Variants in MCEE observed in about 807,000 individuals in gnomAD.
The protein encoded by MCEE is methylmalonyl-CoA epimerase, also known as methylmalonyl-CoA epimerase, mitochondrial.
In MCEE, 6 loss-of-function variants were observed where a neutral mutation model predicts 12.9. That is an observed-to-expected ratio of 0.47 (90% CI 0.26 to 0.92). The LOEUF (loss-of-function observed/expected upper bound fraction) is 0.92, where lower values mean the gene tolerates loss of function less well. Among genes scored for constraint, MCEE ranks in the 40% least tolerant of loss-of-function variants. MCEE has a pLI of 0.16. For missense variants in MCEE, 214 were observed against 212.1 expected, an observed-to-expected ratio of 1.01 and a Z score of -0.05; for synonymous variants, 78 against 77.9, an observed-to-expected ratio of 1.00 and a Z score of -0.01.
rs1009886582 is a variant in MCEE at position 71,114,144 on chromosome 2, G to A, written c.379-4022C>T. ...TTTGAGAAACTGCCACATGCAAGAGGAGCCTCAGCAGATACGATGACTAAA... is the reference window on the plus strand; with the variant it reads ...TTTGAGAAACTGCCACATGCAAGAGAAGCCTCAGCAGATACGATGACTAAA... On this transcript the variant is annotated intron_variant, in intron 2 of 2. Coordinates refer to ENST00000244217, the MANE Select transcript of MCEE (RefSeq NM_032601.4). Among the ~76,000 whole-genome samples the A allele has an allele frequency of 2.0e-5, 3 of 152,126 alleles. No individual in the cohort carries two copies. The East Asian group carries it at 5.8e-4, about 29-fold the overall frequency.
At chr2:71,113,901 C>G (rs1354203135) in intron 2 of MCEE, among the ~76,000 whole-genome samples, 1 of 152,062 alleles carries the variant, frequency 6.6e-6, no homozygotes, top group Non-Finnish European at 1.5e-5. Flanking sequence ...AGTATGAATC[C>G]TTGATATGAT....
At chr2:71,110,425 G>A (rs962123180) in intron 2 of MCEE, among the ~76,000 whole-genome samples, 4 of 152,258 alleles carry the variant, frequency 2.6e-5, no homozygotes, top group African/African-American at 9.6e-5. Flanking sequence ...AGTACTATTA[G>A]TGAGATTGAA....
At chr2:71,122,559 T>A (rs1490734886) in intron 2 of MCEE, among the ~76,000 whole-genome samples, 2 of 152,134 alleles carry the variant, frequency 1.3e-5, no homozygotes, top group Admixed American at 6.5e-5. Flanking sequence ...GCAAGTCACA[T>A]CTTACATGGA....
In MCEE at chr2:71,125,205, A is replaced by ATTT. The variant is rs1342992417; in HGVS notation, c.41-663_41-662insAAA. Among the ~76,000 whole-genome samples the ATTT allele has an allele frequency of 9.3e-3, 395 of 42,548 alleles. 3 individuals are homozygous for ATTT. The highest frequency in any genetic ancestry group is 0.029 in the African/African-American group (374 of 12,694). The allele number at this position is 42,548 out of a possible 152,430, so 27.9% of individuals were successfully genotyped here. A position where few individuals can be genotyped will look rare whatever the true frequency, so the allele number is the denominator to read the frequency against. On this transcript the variant is annotated intron_variant, in intron 1 of 2. Transcript: ENST00000244217. ...TATATATAAATATATATATATATAT[A>ATTT]TATATATTTTTTTTTTTTTTTGAGA...
At position 71,130,200 on chromosome 2, in the gene MCEE, GCCTTCAGCA is replaced by G; in HGVS notation, c.11_19del (p.Val4_Lys6del). ...TTCACCTACGGCATTCGCGGCTGCA[GCCTTCAGCA>G]CCCGCGCCATTTTGGAAAGCAACCC... On this transcript the variant is annotated inframe_deletion, in exon 1 of 3. Transcript: ENST00000244217. The G allele has an allele frequency of 6.2e-7, 1 of 1,608,218 alleles. No individual in the cohort carries two copies. Among genetic ancestry groups the G allele is most frequent in the Non-Finnish European group, 8.5e-7 (1 of 1,178,280 alleles).
chr2:71,124,667 T>C, intron 1 of MCEE, 124 bp from the exon 2 acceptor site: 2 of 778,162 alleles, frequency 2.6e-6, no homozygotes, highest in South Asian at 3.1e-5. Flanking sequence ...TTCTTTTTAA[T>C]TATTGAAATG....
intron 2 of MCEE, among the ~76,000 whole-genome samples, chr2:71,122,830 C>G (rs1673125461): frequency 6.6e-6 from 1 of 152,208 alleles, no homozygotes; most frequent in Non-Finnish European, 1.5e-5. Flanking sequence ...TATGCCTTTC[C>G]ACATGCAATT....
chr2:71,110,256 T>A, intron 2 of MCEE, 134 bp from the exon 3 acceptor site: 1 of 754,644 alleles, frequency 1.3e-6, no homozygotes. Flanking sequence ...CATTCTTAAA[T>A]CATCATAAAA....
rs573465862 is a variant in MCEE, at chr2:71,113,211, C to T, written c.379-3089G>A. Among the ~76,000 whole-genome samples, 7 of 152,198 alleles carry T rather than the reference C, an allele frequency of 4.6e-5. No homozygotes were observed. In the South Asian group the frequency reaches 6.2e-4, roughly 14 times the overall value. ...TGTGGTAATGGATTAGAGCTGGAGA[C>T]GTCAGTATGCTCTGAGGAGTTTATG... On this transcript the variant is annotated intron_variant, in intron 2 of 2. Transcript: ENST00000244217.
rs1312897489 is a variant in MCEE, at chr2:71,124,459, A to G, written c.125T>C (p.Val42Ala). 5 of 1,614,026 alleles carry G rather than the reference A, an allele frequency of 3.1e-6. No homozygotes were observed. The South Asian group carries it at 5.5e-5, about 18-fold the overall frequency. Residue 42 changes from valine to alanine, a missense_variant, in exon 2 of 3, where the codon GTG becomes GCG. By Grantham distance (64) the Val-to-Ala change is moderately conservative. Transcript: ENST00000244217. ...SQPLDQVTGS[V>A]WNLGRLNHVA... is the part of the protein sequence containing the mutation. Reference sequence around the variant, plus strand: ...ATGGTTGAGTCGACCCAGGTTCCACACAGAACCTGTCACTTGATCCAAGGG... The same window carrying G: ...ATGGTTGAGTCGACCCAGGTTCCACGCAGAACCTGTCACTTGATCCAAGGG...
chr2:71,115,758 T>A (rs1419622189), intron 2 of MCEE, among the ~76,000 whole-genome samples: 1 of 138,132 alleles, frequency 7.2e-6, no homozygotes, highest in Non-Finnish European at 1.5e-5. Context: ...TAAGTGGGAG[T>A]TGAAGAATGA....
chr2:71,125,211 A>ATATATATT, intron 1 of MCEE, among the ~76,000 whole-genome samples: 5 of 48,594 alleles, frequency 1.0e-4, no homozygotes, highest in South Asian at 8.9e-4. Flanking sequence ...ATATATATAT[A>ATATATATT]TTTTTTTTTT....
intron 2 of MCEE, chr2:71,118,393 G>A (rs1411607393): frequency 6.6e-6 from 1 of 150,754 alleles, no homozygotes; most frequent in Non-Finnish European, 1.5e-5. Flanking sequence ...CCCTCAGGTG[G>A]ACGCTCTTCT....
At position 71,124,427 on chromosome 2, in the gene MCEE, T is replaced by C. The variant is rs1211742251; in HGVS notation, c.157A>G (p.Ile53Val). Residue 53 changes from isoleucine to valine, a missense_variant, in exon 2 of 3, where the codon ATA becomes GTA. Physicochemically the swap from Ile to Val is conservative, Grantham distance 29. Transcript: ENST00000244217. Reference protein sequence around the residue: ...WNLGRLNHVAIAVPDLEKAAA... With the variant: ...WNLGRLNHVAVAVPDLEKAAA... ...GCCTTTTCCAAATCTGGCACTGCTA[T>C]GGCTACATGGTTGAGTCGACCCAGG... The C allele has an allele frequency of 1.9e-6, 3 of 1,614,184 alleles. No homozygotes were observed. Among genetic ancestry groups the C allele is most frequent in the Middle Eastern group, 1.6e-4 (1 of 6,062 alleles).
intron 2 of MCEE, among the ~76,000 whole-genome samples, chr2:71,115,568 T>C (rs1572887054): frequency 6.6e-6 from 1 of 150,566 alleles, no homozygotes; most frequent in South Asian, 2.1e-4. Context: ...ATAAAAAGAA[T>C]AAAATTAAAA....
rs1672850024 is a variant in MCEE at position 71,109,883 on chromosome 2, C to T, written c.*87G>A. 1 of 1,274,336 alleles carries T rather than the reference C, an allele frequency of 7.8e-7. No individual in the cohort carries two copies. Among genetic ancestry groups the T allele is most frequent in the South Asian group, 1.2e-5 (1 of 82,220 alleles). 78.9% of individuals were successfully genotyped at this position (1,274,336 alleles called of 1,614,324 possible). ...ACTGTGAACTTTTACATGATGGAAG[C>T]AGTGAAGGACTCAATGTCATAGTAC... On this transcript the variant is annotated 3_prime_UTR_variant, in exon 3 of 3. Transcript: ENST00000244217.
chr2:71,121,758 A>C (rs6708370), intron 2 of MCEE, among the ~76,000 whole-genome samples: 49,000 of 151,810 alleles, frequency 0.32, 9,939 homozygotes, highest in East Asian at 0.66. Context: ...TTAGACAAAC[A>C]CTCAGGTCCA....
intron 2 of MCEE, among the ~76,000 whole-genome samples, chr2:71,119,100 T>C (rs1179215718): frequency 6.7e-6 from 1 of 150,128 alleles, no homozygotes; most frequent in Non-Finnish European, 1.5e-5. Flanking sequence ...TGGGGAGGAG[T>C]CATAGGTACT....
chr2:71,119,116 C>G (rs1673050651), intron 2 of MCEE, among the ~76,000 whole-genome samples: 1 of 150,376 alleles, frequency 6.6e-6, no homozygotes, highest in Non-Finnish European at 1.5e-5. Context: ...GTACTCAATA[C>G]TGTTTATTTC....
Sources: allele counts gnomAD v4.1 joint callset (sites outside exome capture counted in the v4.1 genomes callset), GRCh38; gene constraint gnomAD v4.1.1; transcripts MANE v1.5; gene names NCBI Gene and HGNC (gene_info 2026-07-23, HGNC 2026-07-21).